The following SLC27A2 variants were observed in gnomAD, a reference collection of about 807,000 sequenced individuals.
SLC27A2 encodes the protein solute carrier family 27 member 2.
In SLC27A2, 54 loss-of-function variants were observed where a neutral mutation model predicts 60.0. The observed-to-expected ratio is 0.90, with a 90% CI of 0.72 to 1.13. The LOEUF is 1.13. Among genes scored for constraint, SLC27A2 ranks in the 50% most tolerant of loss-of-function variants. The pLI is 0.00. For missense variants in SLC27A2, 739 were observed against 777.6 expected, an observed-to-expected ratio of 0.95 and a Z score of 0.59; for synonymous variants, 297 against 297.6, an observed-to-expected ratio of 1.00 and a Z score of 0.02.
intron 9 of SLC27A2, among the ~76,000 whole-genome samples, chr15:50,234,683 T>C (rs1382013144): frequency 6.6e-6 from 1 of 151,772 alleles, no homozygotes; most frequent in Non-Finnish European, 1.5e-5. Flanking sequence ...TAGTTGAGCC[T>C]GGCAAATCAA....
chr15:50,188,982 AATAGATAGATAGATAG>A lies in SLC27A2; in HGVS notation c.478+6108_478+6123del, dbSNP rs199573332. On this transcript the variant is annotated intron_variant, in intron 1 of 9. Transcript: ENST00000267842. ...AGATAGGTAGATAGATAGATAGATA[AATAGATAGATAGATAG>A]ATAGATAGATAGATAGATAGATAGA... Among the ~76,000 whole-genome samples the A allele has an allele frequency of 3.0e-4, 41 of 135,528 alleles. 1 individual carries two copies. Among genetic ancestry groups the A allele is most frequent in the South Asian group, 9.7e-4 (4 of 4,144 alleles). 88.9% of individuals were successfully genotyped at this position (135,528 alleles called of 152,430 possible). A position where few individuals can be genotyped will look rare whatever the true frequency, so the allele number is the denominator to read the frequency against.
intron 1 of SLC27A2, among the ~76,000 whole-genome samples, chr15:50,196,079 T>TAAAAAAA (rs1567428414): frequency 1.5e-3 from 9 of 6,136 alleles, no homozygotes; most frequent in Admixed American, 3.2e-3. Context: ...AAAAAAAAAA[T>TAAAAAAA]ATATATATAT....
At chr15:50,196,395 G>C (rs1238646066) in intron 1 of SLC27A2, among the ~76,000 whole-genome samples, 1 of 151,800 alleles carries the variant, frequency 6.6e-6, no homozygotes, top group Non-Finnish European at 1.5e-5. Context: ...CAGTGTTATA[G>C]GAATACTGCT....
At chr15:50,209,638 G>A (rs2045139353) in intron 4 of SLC27A2, among the ~76,000 whole-genome samples, 1 of 152,152 alleles carries the variant, frequency 6.6e-6, no homozygotes. Context: ...ACATGGAAGA[G>A]CAATGTGGGA....
intron 4 of SLC27A2, among the ~76,000 whole-genome samples, chr15:50,222,691 C>T (rs568809717): frequency 6.6e-6 from 1 of 152,294 alleles, no homozygotes; most frequent in East Asian, 1.9e-4. Context: ...CATCTGGCTC[C>T]TTAGAAACCA....
chr15:50,182,227 A>T lies in SLC27A2; in HGVS notation c.-201A>T, dbSNP rs781351028. 2.5e-6 allele frequency: 2 copies of T among 796,344 alleles called. No individual in the cohort carries two copies. The highest frequency in any genetic ancestry group is 3.4e-6 in the Non-Finnish European group (2 of 593,678). 49.3% of individuals were successfully genotyped at this position (796,344 alleles called of 1,614,324 possible). ...GCCCGGAACCCCCGGCAACGCGCAT[A>T]CGACTACACCTGCTCCGGAGCCCGC... On this transcript the variant is annotated 5_prime_UTR_variant, in exon 1 of 10. Transcript: ENST00000267842.
intron 2 of SLC27A2, among the ~76,000 whole-genome samples, chr15:50,200,386 C>T (rs1362761188): frequency 6.6e-6 from 1 of 151,876 alleles, no homozygotes; most frequent in Non-Finnish European, 1.5e-5. Context: ...CACTACACTC[C>T]AGCCTGGCAA....
intron 5 of SLC27A2, 138 bp downstream of exon 5, chr15:50,223,297 T>C: frequency 1.7e-6 from 1 of 573,406 alleles, no homozygotes; most frequent in Non-Finnish European, 2.9e-6. Flanking sequence ...AAGAGAAGTT[T>C]TGCTCATTCT....
chr15:50,214,989 A>G (rs1438941550), intron 4 of SLC27A2, among the ~76,000 whole-genome samples: 1 of 152,148 alleles, frequency 6.6e-6, no homozygotes, highest in Non-Finnish European at 1.5e-5. Flanking sequence ...AGAAAGAAAT[A>G]CAGGGCATCC....
intron 8 of SLC27A2, 81 bp downstream of exon 8, chr15:50,229,123 T>G (rs979918030): frequency 1.2e-6 from 1 of 859,278 alleles, no homozygotes; most frequent in Admixed American, 2.0e-5. Flanking sequence ...TTGTCATTGC[T>G]TTCTCCCGCC....
intron 4 of SLC27A2, among the ~76,000 whole-genome samples, chr15:50,215,674 A>C (rs2045190038): frequency 1.3e-5 from 2 of 152,206 alleles, no homozygotes; most frequent in Admixed American, 6.5e-5. Flanking sequence ...ACTTACAGTC[A>C]ACTGATCTTT....
chr15:50,193,267 C>T (rs1797313), intron 1 of SLC27A2, among the ~76,000 whole-genome samples: 92,708 of 152,036 alleles, frequency 0.61, 29,636 homozygotes, highest in East Asian at 0.8. Flanking sequence ...CAAATACCTT[C>T]TCCTTCCCCT....
At chr15:50,208,774 T>C (rs2045132863) in intron 4 of SLC27A2, among the ~76,000 whole-genome samples, 1 of 152,218 alleles carries the variant, frequency 6.6e-6, no homozygotes, top group Non-Finnish European at 1.5e-5. Context: ...TAGTGAATAT[T>C]TTCTATTTTG....
intron 5 of SLC27A2, among the ~76,000 whole-genome samples, chr15:50,224,302 T>A (rs959649595): frequency 6.6e-6 from 1 of 152,028 alleles, no homozygotes; most frequent in African/African-American, 2.4e-5. Context: ...TAGCCGGGCA[T>A]GGTGGCGGGA....
At chr15:50,207,554 T>A (rs1450051277) in intron 4 of SLC27A2, among the ~76,000 whole-genome samples, 1 of 150,936 alleles carries the variant, frequency 6.6e-6, no homozygotes, top group Admixed American at 6.6e-5. Flanking sequence ...CTTTGGGAGG[T>A]AGAGGCGGGC....
chr15:50,199,667 A>T (rs1380597870), intron 2 of SLC27A2, among the ~76,000 whole-genome samples: 1 of 152,170 alleles, frequency 6.6e-6, no homozygotes, highest in Non-Finnish European at 1.5e-5. Flanking sequence ...AGTGGCTCAC[A>T]TCTACAATCT....
chr15:50,207,609 G>A (rs568655536), intron 4 of SLC27A2, among the ~76,000 whole-genome samples: 2 of 152,082 alleles, frequency 1.3e-5, no homozygotes, highest in Admixed American at 1.3e-4. Context: ...GGCCAACATG[G>A]AGAAACCCAG....
intron 3 of SLC27A2, among the ~76,000 whole-genome samples, chr15:50,203,625 C>CATATGTAT (rs968564874): frequency 6.6e-6 from 1 of 152,064 alleles, no homozygotes; most frequent in Non-Finnish European, 1.5e-5. Context: ...AATATATACA[C>CATATGTAT]ATATGTATAT....
intron 4 of SLC27A2, among the ~76,000 whole-genome samples, chr15:50,221,203 AAAGAG>A (rs934860689): frequency 2.1e-4 from 32 of 151,948 alleles, no homozygotes; most frequent in Non-Finnish European, 4.4e-4. Flanking sequence ...TCGAAAAAAA[AAAGAG>A]AGAGAGAAAA....
Sources: allele counts gnomAD v4.1 joint callset (sites outside exome capture counted in the v4.1 genomes callset), GRCh38; gene constraint gnomAD v4.1.1; transcripts MANE v1.5; gene names NCBI Gene and HGNC (gene_info 2026-07-23, HGNC 2026-07-21).